NAA60: variants seen among roughly 807,000 people sequenced by gnomAD.
The protein encoded by NAA60 is N-alpha-acetyltransferase 60.
In NAA60, 8 loss-of-function variants were observed where a neutral mutation model predicts 26.1. The observed-to-expected ratio is 0.31, with a 90% confidence interval of 0.18 to 0.55. NAA60 has a LOEUF of 0.55. Among genes scored for constraint, NAA60 ranks in the 20% least tolerant of loss-of-function variants. NAA60 has a pLI of 0.93. For synonymous variants in NAA60, 131 were observed against 122.5 expected (o/e 1.07, Z -0.46); for missense variants, 290 against 311.3 (o/e 0.93, Z 0.51).
At chr16:3,474,385 G>A (rs1436449954) in intron 2 of NAA60, among the ~76,000 whole-genome samples, 6 of 152,330 alleles carry the variant, frequency 3.9e-5, no homozygotes, top group South Asian at 2.1e-4. Flanking sequence ...CCATCAGCTC[G>A]TTCCAGCAGA....
chr16:3,476,076 G>A (rs372242763), intron 2 of NAA60, 146 bp from the exon 3 acceptor site: 42 of 608,402 alleles, frequency 6.9e-5, no homozygotes, highest in Non-Finnish European at 1.0e-4. Context: ...GAGGGCGATC[G>A]TGAGAGGCAG....
At chr16:3,454,131 C>T (rs1048225889) in intron 2 of NAA60, among the ~76,000 whole-genome samples, 1 of 152,210 alleles carries the variant, frequency 6.6e-6, no homozygotes, top group African/African-American at 2.4e-5. Flanking sequence ...AGGGCAGAGG[C>T]TGACCGTGTA....
At chr16:3,477,175 A>C (rs2036536414) in intron 3 of NAA60, among the ~76,000 whole-genome samples, 1 of 152,208 alleles carries the variant, frequency 6.6e-6, no homozygotes, top group South Asian at 2.1e-4. Flanking sequence ...CGGGGGTGAA[A>C]AAAATTTTAC....
intron 2 of NAA60, among the ~76,000 whole-genome samples, chr16:3,460,236 T>G (rs2150963496): frequency 6.6e-6 from 1 of 152,344 alleles, no homozygotes; most frequent in South Asian, 2.1e-4. Flanking sequence ...TGGCTGTTTA[T>G]CAGACACTGT....
chr16:3,465,408 T>G (rs1399563752), intron 2 of NAA60, among the ~76,000 whole-genome samples: 2 of 152,210 alleles, frequency 1.3e-5, no homozygotes, highest in Non-Finnish European at 2.9e-5. Context: ...TTGTCTCTGT[T>G]CTTCCTCATC....
In NAA60 at chr16:3,476,348, C is replaced by G. The variant is rs373388855; in HGVS notation, c.110+11C>G. ...CTGGTTCCCCATCGAGTAAGTGGAG[C>G]GGATTGCAGGGTTGGGGAGAGCCCG... On this transcript the variant is annotated intron_variant, in intron 3 of 7. Transcript: ENST00000407558. 4 of 1,608,520 alleles carry G rather than the reference C, an allele frequency of 2.5e-6. No individual in the cohort carries two copies. Among genetic ancestry groups the G allele is most frequent in the Non-Finnish European group, 3.4e-6 (4 of 1,175,664 alleles).
In NAA60 at chr16:3,485,092, G is replaced by A. The variant is rs184949661; in HGVS notation, c.*206+31G>A. On this transcript the variant is annotated intron_variant, in intron 7 of 7. Coordinates refer to ENST00000407558, the MANE Select transcript of NAA60 (RefSeq NM_001083601.3). ...CCACAGCAGACACAAAGGTATGGGAGCTTGGTGCCTCCAGCCACAAAAGTG... is the reference window on the plus strand; with the variant it reads ...CCACAGCAGACACAAAGGTATGGGAACTTGGTGCCTCCAGCCACAAAAGTG... 6.0e-5 allele frequency: 78 copies of A among 1,291,866 alleles called. 2 individuals are homozygous for A. The East Asian group carries it at 1.8e-3, about 30-fold the overall frequency. 80.0% of individuals were successfully genotyped at this position (1,291,866 alleles called of 1,614,324 possible). A position where few individuals can be genotyped will look rare whatever the true frequency, so the allele number is the denominator to read the frequency against.
chr16:3,454,484 C>T (rs550671121), intron 2 of NAA60, among the ~76,000 whole-genome samples: 2 of 151,958 alleles, frequency 1.3e-5, no homozygotes, highest in African/African-American at 2.4e-5. Context: ...AGAATTTCTG[C>T]GAGAGATTCA....
intron 2 of NAA60, among the ~76,000 whole-genome samples, chr16:3,470,189 C>T (rs979990893): frequency 6.6e-6 from 1 of 152,190 alleles, no homozygotes; most frequent in Non-Finnish European, 1.5e-5. Flanking sequence ...TGGCCATTGC[C>T]ACCTCTGAGG....
intron 6 of NAA60, among the ~76,000 whole-genome samples, chr16:3,484,419 C>T (rs1850306959): frequency 6.6e-6 from 1 of 152,152 alleles, no homozygotes; most frequent in Admixed American, 6.5e-5. Context: ...CAGGCCCCTT[C>T]CCCACCCCCC....
At chr16:3,457,142 C>T (rs1180801251) in intron 2 of NAA60, among the ~76,000 whole-genome samples, 4 of 152,130 alleles carry the variant, frequency 2.6e-5, no homozygotes, top group Non-Finnish European at 5.9e-5. Flanking sequence ...CTGGAAAGCT[C>T]GGAGTTGAAA....
At chr16:3,473,997 G>C (rs2036317060) in intron 2 of NAA60, among the ~76,000 whole-genome samples, 3 of 151,988 alleles carry the variant, frequency 2.0e-5, no homozygotes, top group African/African-American at 7.3e-5. Flanking sequence ...GCCTTCCAAA[G>C]TGCTCATATT....
intron 2 of NAA60, among the ~76,000 whole-genome samples, chr16:3,465,979 C>G (rs2035734227): frequency 6.6e-6 from 1 of 152,158 alleles, no homozygotes; most frequent in Non-Finnish European, 1.5e-5. Context: ...GAGTCAGGAC[C>G]CGGGACCTTG....
rs2034646566 is a variant in NAA60 at position 3,448,554 on chromosome 16, C to T, written c.-7+14C>T. On this transcript the variant is annotated intron_variant, in intron 2 of 7. Coordinates refer to ENST00000407558, the MANE Select transcript of NAA60 (RefSeq NM_001083601.3). The stretch of plus-strand genomic sequence containing the variant: ...GAGCTCCAGAGAGTGAGTCAAAGCG[C>T]TCTGTGTCCTGCTATTAATGATGCC... 1 of 1,534,130 alleles carries T rather than the reference C, an allele frequency of 6.5e-7. No homozygotes were observed. The highest frequency in any genetic ancestry group is 8.7e-7 in the Non-Finnish European group (1 of 1,145,626).
rs190186620 is a variant in NAA60, at chr16:3,478,158, C to T, written c.111-1313C>T. Among the ~76,000 whole-genome samples the T allele has an allele frequency of 4.4e-3, 673 of 152,244 alleles. 6 individuals carry two copies. Among genetic ancestry groups the T allele is most frequent in the African/African-American group, 0.015 (609 of 41,556 alleles). ...GGCTGAGGCAGGAGAATCACTTGAACCCGCGAGTCAGAGGTTGCAGTGAGC... is the reference window on the plus strand; with the variant it reads ...GGCTGAGGCAGGAGAATCACTTGAATCCGCGAGTCAGAGGTTGCAGTGAGC... On this transcript the variant is annotated intron_variant, in intron 3 of 7. Transcript: ENST00000407558.
intron 2 of NAA60, chr16:3,449,889 A>C (rs566471439): frequency 1.5e-5 from 6 of 389,098 alleles, no homozygotes; most frequent in Admixed American, 4.5e-5. Flanking sequence ...CATGTGAGAC[A>C]TGCCTTTTAC....
rs138758571 is a variant in NAA60, at chr16:3,474,963, T to C, written c.-6-1259T>C. ...ATGGGTTTGTTTATTTATTTATTTT[T>C]AGAGACAGGGTCTTGCTATGTTGCC... is the stretch of plus-strand genomic sequence containing the variant. On this transcript the variant is annotated intron_variant, in intron 2 of 7. Transcript: ENST00000407558. 4.4e-3 allele frequency among the ~76,000 whole-genome samples: 668 copies of C among 152,290 alleles called. 5 individuals carry two copies. Among genetic ancestry groups the C allele is most frequent in the African/African-American group, 0.015 (604 of 41,532 alleles).
intron 2 of NAA60, among the ~76,000 whole-genome samples, chr16:3,472,907 A>T (rs892003349): frequency 6.6e-6 from 1 of 152,226 alleles, no homozygotes; most frequent in Non-Finnish European, 1.5e-5. Flanking sequence ...AATATAAAAT[A>T]TGGACTTTTT....
At chr16:3,477,959 G>T (rs1440828914) in intron 3 of NAA60, among the ~76,000 whole-genome samples, 5 of 152,046 alleles carry the variant, frequency 3.3e-5, no homozygotes, top group Non-Finnish European at 7.4e-5. Context: ...CAGCTACTCG[G>T]GAGGCTGAGG....
Sources: gnomAD v4.1 joint callset for allele counts (sites outside exome capture counted in the v4.1 genomes callset) on GRCh38, gnomAD v4.1.1 for gene constraint, MANE v1.5 for transcripts, NCBI Gene and HGNC (gene_info 2026-07-23, HGNC 2026-07-21) for gene names.